The following MACROD2 variants were observed in gnomAD, a reference collection of about 807,000 sequenced individuals.
MACROD2 encodes the protein mono-ADP ribosylhydrolase 2.
Under a neutral mutation model 70.4 loss-of-function variants are expected in MACROD2, and 36 were observed. That is an observed-to-expected ratio of 0.51 (90% CI 0.39 to 0.68). The LOEUF is 0.68. Ranked by LOEUF, MACROD2 falls within the 30% of genes least tolerant of loss-of-function variation. The probability of loss-of-function intolerance (pLI) is 0.00; values close to 1 mark genes in which losing one functional copy is unlikely to be tolerated. For synonymous variants in MACROD2, 172 were observed against 178.8 expected (o/e 0.96, Z 0.30); for missense variants, 496 against 538.4 (o/e 0.92, Z 0.78).
intron 3 of MACROD2, among the ~76,000 whole-genome samples, chr20:14,256,706 G>A (rs781013841): frequency 2.0e-5 from 3 of 151,982 alleles, no homozygotes; most frequent in Admixed American, 6.6e-5. Context: ...TTTCCTATTT[G>A]TTAGGCCATA....
At chr20:14,288,999 C>T (rs901680828) in intron 3 of MACROD2, among the ~76,000 whole-genome samples, 28 of 152,150 alleles carry the variant, frequency 1.8e-4, no homozygotes, top group Non-Finnish European at 2.9e-5. Flanking sequence ...CAGCTACTTC[C>T]TTATATTAAC....
chr20:15,838,356 A>G (rs1203095379), intron 8 of MACROD2, among the ~76,000 whole-genome samples: 1 of 152,138 alleles, frequency 6.6e-6, no homozygotes, highest in Non-Finnish European at 1.5e-5. Context: ...TTATCTTTCT[A>G]TGCAAAATGT....
At chr20:14,144,077 A>G (rs1004277860) in intron 3 of MACROD2, among the ~76,000 whole-genome samples, 4 of 152,056 alleles carry the variant, frequency 2.6e-5, no homozygotes, top group African/African-American at 9.7e-5. Flanking sequence ...CAGTGCCTAG[A>G]TAGATGTGAA....
At chr20:14,960,074 C>A (rs1017536774) in intron 5 of MACROD2, among the ~76,000 whole-genome samples, 1 of 152,130 alleles carries the variant, frequency 6.6e-6, no homozygotes, top group African/African-American at 2.4e-5. Flanking sequence ...AAGAGAATCC[C>A]AGAAGGGGTC....
chr20:15,196,631 A>T (rs1362151064), intron 5 of MACROD2, among the ~76,000 whole-genome samples: 1 of 152,220 alleles, frequency 6.6e-6, no homozygotes, highest in Non-Finnish European at 1.5e-5. Context: ...CAAGCCAAAC[A>T]CTACTCTGCA....
chr20:15,959,631 G>A (rs2066030218), intron 12 of MACROD2, among the ~76,000 whole-genome samples: 1 of 152,168 alleles, frequency 6.6e-6, no homozygotes, highest in Admixed American at 6.5e-5. Flanking sequence ...CTGGGTTCAA[G>A]CGATTCTCCT....
intron 9 of MACROD2, among the ~76,000 whole-genome samples, chr20:15,869,608 A>G (rs1468464181): frequency 6.6e-6 from 1 of 152,126 alleles, no homozygotes; most frequent in Non-Finnish European, 1.5e-5. Flanking sequence ...TAAAACATGT[A>G]TAACAAGTGT....
At chr20:14,045,275 T>TG (rs1253078101) in intron 2 of MACROD2, among the ~76,000 whole-genome samples, 1 of 152,102 alleles carries the variant, frequency 6.6e-6, no homozygotes, top group Non-Finnish European at 1.5e-5. Flanking sequence ...GCAGCCAGAG[T>TG]GGGCACCAAC....
At chr20:15,697,896 A>G (rs561017719) in intron 8 of MACROD2, among the ~76,000 whole-genome samples, 1 of 152,280 alleles carries the variant, frequency 6.6e-6, no homozygotes, top group South Asian at 2.1e-4. Context: ...TTTGGTGTCC[A>G]TTTGCATGAA....
At chr20:15,450,072 A>G (rs2046620441) in intron 7 of MACROD2, among the ~76,000 whole-genome samples, 1 of 152,176 alleles carries the variant, frequency 6.6e-6, no homozygotes, top group South Asian at 2.1e-4. Flanking sequence ...ATATATGCAT[A>G]TATACACACA....
At chr20:15,741,669 A>C (rs2146965903) in intron 8 of MACROD2, among the ~76,000 whole-genome samples, 1 of 152,216 alleles carries the variant, frequency 6.6e-6, no homozygotes, top group South Asian at 2.1e-4. Context: ...CCACTCCAAT[A>C]GCTCCTTAAT....
At chr20:15,828,165 T>C (rs1298436241) in intron 8 of MACROD2, among the ~76,000 whole-genome samples, 1 of 152,174 alleles carries the variant, frequency 6.6e-6, no homozygotes, top group East Asian at 1.9e-4. Context: ...TATGAGGTGA[T>C]GAATATTAGT....
intron 3 of MACROD2, among the ~76,000 whole-genome samples, chr20:14,451,385 GT>G (rs2084243205): frequency 6.6e-6 from 1 of 152,136 alleles, no homozygotes; most frequent in Non-Finnish European, 1.5e-5. Flanking sequence ...GGAGGCAGAG[GT>G]TGCAGTGAGC....
At chr20:14,668,761 C>T (rs969512330) in intron 4 of MACROD2, among the ~76,000 whole-genome samples, 17 of 151,800 alleles carry the variant, frequency 1.1e-4, no homozygotes, top group African/African-American at 2.9e-4. Context: ...GCTTTTCTTG[C>T]TCTTAGAGTT....
chr20:14,756,038 A>G (rs1193090063), intron 5 of MACROD2, among the ~76,000 whole-genome samples: 1 of 152,092 alleles, frequency 6.6e-6, no homozygotes, highest in Non-Finnish European at 1.5e-5. Flanking sequence ...TGCCTCTCTC[A>G]TGCAGTCTTT....
rs186951947 is a variant in MACROD2 at position 14,883,330 on chromosome 20, G to T, written c.418+198371G>T. ...ATTTGAACATTATGTCTACAATGTG[G>T]GTGTATTTTCTTCCTTTTCAATGAA... On this transcript the variant is annotated intron_variant, in intron 5 of 17. Transcript: ENST00000684519. Among the ~76,000 whole-genome samples the T allele has an allele frequency of 3.9e-5, 6 of 152,042 alleles. No individual in the cohort carries two copies. In the East Asian group the frequency reaches 1.2e-3, roughly 29 times the overall value.
chr20:14,720,780 A>G (rs1038797226), intron 5 of MACROD2, among the ~76,000 whole-genome samples: 2 of 151,312 alleles, frequency 1.3e-5, no homozygotes, highest in Non-Finnish European at 2.9e-5. Context: ...TCTCAATCTC[A>G]TGACCTCGTG....
intron 6 of MACROD2, among the ~76,000 whole-genome samples, chr20:15,398,952 T>C (rs2045895135): frequency 6.6e-6 from 1 of 152,092 alleles, no homozygotes; most frequent in Non-Finnish European, 1.5e-5. Context: ...CAAATTACTA[T>C]GATTACATGT....
In MACROD2 at chr20:15,353,602, C is replaced by T. The variant is rs1175326027; in HGVS notation, c.541-77803C>T. 5.9e-5 allele frequency among the ~76,000 whole-genome samples: 9 copies of T among 151,808 alleles called. No homozygotes were observed. The East Asian group carries it at 9.7e-4, about 16-fold the overall frequency. ...TGGGAGAAAATTTTTGCAATCTACT[C>T]ATCTGACAAAGGGCTAATATCCAGA... On this transcript the variant is annotated intron_variant, in intron 6 of 17. Coordinates refer to ENST00000684519, the MANE Select transcript of MACROD2 (RefSeq NM_001351661.2).
Sources: allele counts gnomAD v4.1 joint callset (sites outside exome capture counted in the v4.1 genomes callset), GRCh38; gene constraint gnomAD v4.1.1; transcripts MANE v1.5; gene names NCBI Gene and HGNC (gene_info 2026-07-23, HGNC 2026-07-21).